Variants in ANXA8 observed in about 807,000 individuals in gnomAD.
The protein encoded by ANXA8 is VAC-beta.
A neutral mutation model predicts 26.8 loss-of-function variants in ANXA8; 9 were observed. The observed-to-expected ratio is 0.34, with a 90% CI of 0.20 to 0.59. The LOEUF (loss-of-function observed/expected upper bound fraction) is 0.59. Among genes scored for constraint, ANXA8 ranks in the 20% least tolerant of loss-of-function variants. The probability of loss-of-function intolerance (pLI) is 0.84; values close to 1 mark genes in which losing one functional copy is unlikely to be tolerated. For synonymous variants in ANXA8, 39 were observed against 94.8 expected, an observed-to-expected ratio of 0.41 and a Z score of 3.42; for missense variants, 83 against 238.5, an observed-to-expected ratio of 0.35 and a Z score of 4.29.
At chr10:47,710,998 A>G in the ANXA8 span, among the ~76,000 whole-genome samples, 1 of 148,488 alleles carries the variant, frequency 6.7e-6, no homozygotes, top group Non-Finnish European at 1.5e-5. Context: ...CCTCCTTCAA[A>G]TAATGTTCTT....
chr10:47,777,149 CG>C, the ANXA8 span, among the ~76,000 whole-genome samples: 3 of 151,738 alleles, frequency 2.0e-5, no homozygotes, highest in Non-Finnish European at 2.9e-5. Flanking sequence ...TGAGTGTGAT[CG>C]GGGGCAATTA....
chr10:47,769,866 A>C, the ANXA8 span, among the ~76,000 whole-genome samples: 1 of 151,822 alleles, frequency 6.6e-6, no homozygotes, highest in African/African-American at 2.4e-5. Context: ...GAGACTGGGT[A>C]ATTTATAAAG....
At chr10:47,755,555 CTTTTTTTTT>C in the ANXA8 span, among the ~76,000 whole-genome samples, 6 of 82,988 alleles carry the variant, frequency 7.2e-5, no homozygotes, top group Admixed American at 1.5e-4. Context: ...GTGCCCGGCC[CTTTTTTTTT>C]TTTTTTTTTT....
the ANXA8 span, among the ~76,000 whole-genome samples, chr10:47,742,971 G>A: frequency 7.3e-6 from 1 of 137,894 alleles, no homozygotes; most frequent in Non-Finnish European, 1.6e-5. Context: ...TGGTTAACAC[G>A]GTGAAACCCC....
At chr10:47,561,301 T>A in the ANXA8 span, among the ~76,000 whole-genome samples, 403 of 151,640 alleles carry the variant, frequency 2.7e-3, 7 homozygotes, top group African/African-American at 9.3e-3. Flanking sequence ...AGAAATGAGG[T>A]CTCACTATGT....
chr10:47,976,398 T>A, the ANXA8 span, among the ~76,000 whole-genome samples: 1 of 151,518 alleles, frequency 6.6e-6, no homozygotes, highest in African/African-American at 2.4e-5. Flanking sequence ...TTCCAAGCTC[T>A]ATGATAGACT....
the ANXA8 span, among the ~76,000 whole-genome samples, chr10:47,735,045 A>T: frequency 2.6e-4 from 38 of 144,652 alleles, no homozygotes; most frequent in Non-Finnish European, 4.4e-4. Flanking sequence ...TTATAAACTT[A>T]AAAAAAAAAC....
the ANXA8 span, among the ~76,000 whole-genome samples, chr10:47,573,372 C>A: frequency 6.7e-6 from 1 of 149,340 alleles, no homozygotes; most frequent in Non-Finnish European, 1.5e-5. Context: ...CTCGAGCCAT[C>A]CTCCTGCCTC....
At chr10:47,511,178 C>T in the ANXA8 span, among the ~76,000 whole-genome samples, 1 of 135,606 alleles carries the variant, frequency 7.4e-6, no homozygotes, top group Non-Finnish European at 1.5e-5. Flanking sequence ...CTCCTCACCT[C>T]GTGATCTGCC....
At chr10:47,551,076 CAATAG>C in the ANXA8 span, among the ~76,000 whole-genome samples, 7 of 151,408 alleles carry the variant, frequency 4.6e-5, no homozygotes, top group South Asian at 1.3e-3. Flanking sequence ...AAGATGACTT[CAATAG>C]TATAGAGTTG....
chr10:47,487,810 A>T (rs1485220679), upstream of ANXA8, among the ~76,000 whole-genome samples: 25 of 144,194 alleles, frequency 1.7e-4, no homozygotes, highest in Admixed American at 1.5e-3. Flanking sequence ...TCAGTTTTGG[A>T]TTGTCAAATT....
the ANXA8 span, among the ~76,000 whole-genome samples, chr10:47,707,871 A>T: frequency 7.4e-6 from 1 of 135,208 alleles, no homozygotes; most frequent in African/African-American, 2.5e-5. Context: ...ATTACTAGGT[A>T]TATATCCAAA....
the ANXA8 span, among the ~76,000 whole-genome samples, chr10:47,678,686 A>T: frequency 6.6e-6 from 1 of 151,974 alleles, no homozygotes; most frequent in Non-Finnish European, 1.5e-5. Context: ...CAAGTTGCCT[A>T]ATACATGTAT....
upstream of ANXA8, among the ~76,000 whole-genome samples, chr10:47,488,910 G>A (rs1840095851): frequency 1.4e-5 from 2 of 145,600 alleles, no homozygotes; most frequent in Non-Finnish European, 3.0e-5. Context: ...TGTATTTTTA[G>A]TAGAGATGCG....
At chr10:47,603,587 C>G in the ANXA8 span, among the ~76,000 whole-genome samples, 2 of 147,632 alleles carry the variant, frequency 1.4e-5, no homozygotes, top group Non-Finnish European at 2.9e-5. Flanking sequence ...TCTCAGCTCA[C>G]TACAACCTCC....
chr10:47,749,332 A>G, the ANXA8 span, among the ~76,000 whole-genome samples: 3 of 150,524 alleles, frequency 2.0e-5, no homozygotes, highest in Non-Finnish European at 4.4e-5. Context: ...TTCAGGTAGA[A>G]GAAAACTGAT....
At chr10:47,732,589 G>A in the ANXA8 span, among the ~76,000 whole-genome samples, 1 of 63,404 alleles carries the variant, frequency 1.6e-5, no homozygotes, top group Non-Finnish European at 2.9e-5. Context: ...AGCTTGCAGG[G>A]ACAGCTCTCC....
chr10:47,502,803 G>A, the ANXA8 span: 1 of 1,588,490 alleles, frequency 6.3e-7, no homozygotes. Context: ...GGCTGGCCAG[G>A]ATCTGGCTCT....
chr10:47,700,594 A>G, the ANXA8 span, among the ~76,000 whole-genome samples: 1 of 151,644 alleles, frequency 6.6e-6, no homozygotes, highest in African/African-American at 2.4e-5. Flanking sequence ...GGTGTAGGGA[A>G]AGGCTTTTTC....
Sources: gnomAD v4.1 joint callset for allele counts (sites outside exome capture counted in the v4.1 genomes callset) on GRCh38, gnomAD v4.1.1 for gene constraint, MANE v1.5 for transcripts, NCBI Gene and HGNC (gene_info 2026-07-23, HGNC 2026-07-21) for gene names.